The following FHIT variants were observed in gnomAD, a reference collection of about 807,000 sequenced individuals.
The protein encoded by FHIT is bis(5'-adenosyl)-triphosphatase.
Under a neutral mutation model 17.9 loss-of-function variants are expected in FHIT, and 19 were observed. The ratio of observed to expected loss-of-function variants is 1.06; its 90% CI spans 0.74 to 1.56. FHIT has a LOEUF of 1.56. FHIT is among the 40% of genes most tolerant of loss of function. The pLI, the probability that FHIT is intolerant of heterozygous loss-of-function variation, is 0.00. For missense variants in FHIT, 248 were observed against 189.2 expected, an observed-to-expected ratio of 1.31 and a Z score of -1.82; for synonymous variants, 81 against 69.7, an observed-to-expected ratio of 1.16 and a Z score of -0.81.
intron 8 of FHIT, among the ~76,000 whole-genome samples, chr3:59,770,055 TAAACA>T (rs1053589729): frequency 5.3e-5 from 8 of 152,034 alleles, no homozygotes; most frequent in African/African-American, 1.9e-4. Context: ...AAAACAAAAC[TAAACA>T]AAACACAGAA....
intron 5 of FHIT, among the ~76,000 whole-genome samples, chr3:60,234,444 T>G (rs1304340796): frequency 1.3e-5 from 2 of 152,170 alleles, no homozygotes; most frequent in East Asian, 3.9e-4. Context: ...CACATACACA[T>G]ATAGTCTTTA....
At chr3:59,815,955 G>A (rs1395284064) in intron 8 of FHIT, among the ~76,000 whole-genome samples, 1 of 152,174 alleles carries the variant, frequency 6.6e-6, no homozygotes, top group Admixed American at 6.5e-5. Flanking sequence ...CCAAGAAAAA[G>A]TATGGAATTC....
chr3:60,733,891 T>C (rs559593533), intron 4 of FHIT, among the ~76,000 whole-genome samples: 2 of 152,336 alleles, frequency 1.3e-5, no homozygotes, highest in East Asian at 3.9e-4. Flanking sequence ...TAGAAGTTTT[T>C]ATTCTATACT....
chr3:60,519,786 T>C (rs1369192797), intron 5 of FHIT, among the ~76,000 whole-genome samples: 1 of 152,182 alleles, frequency 6.6e-6, no homozygotes, highest in African/African-American at 2.4e-5. Context: ...CCAGCATCAC[T>C]AGTGACCCTT....
intron 5 of FHIT, among the ~76,000 whole-genome samples, chr3:60,284,219 C>T (rs13061155): frequency 0.25 from 38,660 of 151,984 alleles, 5,618 homozygotes; most frequent in East Asian, 0.68. Flanking sequence ...ACTTATTTCT[C>T]GAAAATGGAT....
At chr3:59,799,645 G>A (rs72886679) in intron 8 of FHIT, among the ~76,000 whole-genome samples, 3,119 of 152,236 alleles carry the variant, frequency 0.02, 115 homozygotes, top group African/African-American at 0.071. Flanking sequence ...TATTTTGGAG[G>A]GGGATAGGGA....
chr3:59,931,192 G>C (rs1178371750), intron 7 of FHIT, among the ~76,000 whole-genome samples: 1 of 152,154 alleles, frequency 6.6e-6, no homozygotes. Context: ...AAATAATTTT[G>C]ACAACCTGCT....
chr3:59,934,782 A>G (rs1435746419), intron 7 of FHIT, among the ~76,000 whole-genome samples: 1 of 152,102 alleles, frequency 6.6e-6, no homozygotes, highest in Non-Finnish European at 1.5e-5. Flanking sequence ...TAAAACTATC[A>G]GATCTCATGA....
At chr3:60,241,050 A>G (rs1342758640) in intron 5 of FHIT, among the ~76,000 whole-genome samples, 1 of 152,178 alleles carries the variant, frequency 6.6e-6, no homozygotes, top group African/African-American at 2.4e-5. Context: ...CATAGTGAGT[A>G]TCTTTTAAAT....
chr3:60,458,325 G>A (rs555022897), intron 5 of FHIT, among the ~76,000 whole-genome samples: 27 of 151,810 alleles, frequency 1.8e-4, no homozygotes, highest in Non-Finnish European at 2.8e-4. Flanking sequence ...GCAAACTATG[G>A]CAAGGACAAA....
chr3:60,735,741 C>A (rs534316315), intron 4 of FHIT, among the ~76,000 whole-genome samples: 29 of 152,254 alleles, frequency 1.9e-4, no homozygotes, highest in Non-Finnish European at 3.4e-4. Flanking sequence ...GATAGGCAAG[C>A]CAAAATCTTC....
chr3:60,989,442 G>A (rs1034947315), intron 3 of FHIT, among the ~76,000 whole-genome samples: 16 of 151,820 alleles, frequency 1.1e-4, no homozygotes, highest in Admixed American at 4.6e-4. Context: ...ATCATATTAC[G>A]GAAACTTTAA....
intron 3 of FHIT, among the ~76,000 whole-genome samples, chr3:61,005,499 GTGA>G (rs1286510984): frequency 6.6e-6 from 1 of 152,138 alleles, no homozygotes; most frequent in African/African-American, 2.4e-5. Flanking sequence ...GGTGGTAATA[GTGA>G]TGATAAGAAC....
At chr3:60,198,610 C>T (rs1702754435) in intron 5 of FHIT, among the ~76,000 whole-genome samples, 2 of 152,116 alleles carry the variant, frequency 1.3e-5, no homozygotes, top group Non-Finnish European at 2.9e-5. Context: ...TTCATTAGGA[C>T]TGAGGATGTT....
rs558314440 is a variant in FHIT, at chr3:61,177,900, C to A, written c.-164+22717G>T. Among the ~76,000 whole-genome samples the A allele has an allele frequency of 5.3e-5, 8 of 152,188 alleles. No individual in the cohort carries two copies. The East Asian group carries it at 5.8e-4, about 11-fold the overall frequency. On this transcript the variant is annotated intron_variant, in intron 2 of 9. Transcript: ENST00000492590. Reference sequence around the variant, plus strand: ...ATCAGATAGACATTAAAAAATGATACCAGGTTTGCTCCAGCATTAAAATAC... The same window carrying A: ...ATCAGATAGACATTAAAAAATGATAACAGGTTTGCTCCAGCATTAAAATAC...
intron 1 of FHIT, among the ~76,000 whole-genome samples, chr3:61,222,801 A>G (rs953767183): frequency 1.3e-5 from 2 of 152,180 alleles, no homozygotes; most frequent in African/African-American, 4.8e-5. Flanking sequence ...AATGGGGGGA[A>G]TCAAGGCAAC....
intron 8 of FHIT, among the ~76,000 whole-genome samples, chr3:59,891,997 C>G (rs537112374): frequency 1.2e-4 from 18 of 152,266 alleles, no homozygotes; most frequent in African/African-American, 3.6e-4. Flanking sequence ...TGAAAGTAAA[C>G]TTAAAAGCTA....
At chr3:61,172,733 A>G (rs1391702375) in intron 2 of FHIT, among the ~76,000 whole-genome samples, 1 of 123,436 alleles carries the variant, frequency 8.1e-6, no homozygotes, top group Non-Finnish European at 1.9e-5. Context: ...ATTCACTGAC[A>G]CTGGAGCTTA....
intron 8 of FHIT, among the ~76,000 whole-genome samples, chr3:59,761,916 T>C (rs1305088051): frequency 1.3e-5 from 2 of 152,186 alleles, no homozygotes; most frequent in African/African-American, 4.8e-5. Context: ...TCATATAATT[T>C]GTTTTATTTC....
Sources: allele counts gnomAD v4.1 joint callset (sites outside exome capture counted in the v4.1 genomes callset), GRCh38; gene constraint gnomAD v4.1.1; transcripts MANE v1.5; gene names NCBI Gene and HGNC (gene_info 2026-07-23, HGNC 2026-07-21).